The following PTPRM variants were observed in gnomAD, a reference collection of about 807,000 sequenced individuals.
PTPRM encodes protein tyrosine phosphatase receptor type M.
In PTPRM, 47 loss-of-function variants were observed where a neutral mutation model predicts 186.7. The observed-to-expected ratio is 0.25, with a 90% CI of 0.20 to 0.32. PTPRM has a LOEUF of 0.32. Among genes scored for constraint, PTPRM ranks in the 10% least tolerant of loss-of-function variants. The pLI, the probability that PTPRM is intolerant of heterozygous loss-of-function variation, is 1.00. For synonymous variants in PTPRM, 668 were observed against 674.9 expected, an observed-to-expected ratio of 0.99 and a Z score of 0.16; for missense variants, 1,494 against 1,865.0, an observed-to-expected ratio of 0.80 and a Z score of 3.66.
intron 1 of PTPRM, among the ~76,000 whole-genome samples, chr18:7,750,686 G>T (rs2041172290): frequency 6.6e-6 from 1 of 151,998 alleles, no homozygotes; most frequent in African/African-American, 2.4e-5. Flanking sequence ...CACAAATCTG[G>T]AAAAAATACG....
intron 7 of PTPRM, among the ~76,000 whole-genome samples, chr18:8,014,597 T>C (rs1485380676): frequency 6.6e-6 from 1 of 152,228 alleles, no homozygotes; most frequent in Admixed American, 6.5e-5. Context: ...TAAAAGTATA[T>C]ATTAGACTAA....
intron 13 of PTPRM, among the ~76,000 whole-genome samples, chr18:8,120,387 C>G (rs933113932): frequency 2.6e-5 from 4 of 151,980 alleles, no homozygotes; most frequent in Admixed American, 6.6e-5. Context: ...TTTGTGAATA[C>G]CTGGCTGACT....
intron 2 of PTPRM, among the ~76,000 whole-genome samples, chr18:7,850,888 T>C (rs111698875): frequency 3.9e-5 from 6 of 152,256 alleles, no homozygotes; most frequent in African/African-American, 1.4e-4. Flanking sequence ...ACAAAAAGTA[T>C]ACAAATAGGA....
chr18:8,341,948 G>A lies in PTPRM; in HGVS notation c.2957-1475G>A, dbSNP rs530327074. 2.0e-5 allele frequency among the ~76,000 whole-genome samples: 3 copies of A among 152,332 alleles called. No homozygotes were observed. The East Asian group carries it at 5.8e-4, about 29-fold the overall frequency. On this transcript the variant is annotated intron_variant, in intron 22 of 32. Transcript: ENST00000580170. ...GGACGTGGCCAAAATGGCTGGTGGAGCTTTGTGGGAGGCAGAGTGCATGGT... is the reference window on the plus strand; with the variant it reads ...GGACGTGGCCAAAATGGCTGGTGGAACTTTGTGGGAGGCAGAGTGCATGGT...
chr18:7,636,035 G>A (rs1324256680), intron 1 of PTPRM, among the ~76,000 whole-genome samples: 1 of 152,202 alleles, frequency 6.6e-6, no homozygotes, highest in Non-Finnish European at 1.5e-5. Flanking sequence ...AGACTGCAGG[G>A]CAGACAAACG....
chr18:7,931,265 C>T (rs2051467176), intron 5 of PTPRM, among the ~76,000 whole-genome samples: 1 of 152,040 alleles, frequency 6.6e-6, no homozygotes, highest in Admixed American at 6.6e-5. Context: ...ACTTTCCGAT[C>T]ACTTTTTGAG....
At chr18:7,655,280 C>T (rs564513092) in intron 1 of PTPRM, among the ~76,000 whole-genome samples, 68 of 152,128 alleles carry the variant, frequency 4.5e-4, no homozygotes, top group Non-Finnish European at 8.2e-4. Flanking sequence ...TGGTCTCAAA[C>T]TCCTGGGCTT....
intron 28 of PTPRM, 31 bp from the exon 29 acceptor site, chr18:8,380,265 A>C (rs753433845): frequency 6.2e-7 from 1 of 1,605,718 alleles, no homozygotes; most frequent in Non-Finnish European, 8.5e-7. Context: ...TTTCCTGAGT[A>C]TATTTGGAGC....
chr18:7,858,497 A>G (rs1450114793), intron 2 of PTPRM, among the ~76,000 whole-genome samples: 1 of 152,170 alleles, frequency 6.6e-6, no homozygotes, highest in Non-Finnish European at 1.5e-5. Context: ...AGGAGTTGAC[A>G]TTACAATGAG....
intron 7 of PTPRM, among the ~76,000 whole-genome samples, chr18:8,045,021 C>T (rs1198681041): frequency 1.3e-5 from 2 of 152,040 alleles, no homozygotes; most frequent in Non-Finnish European, 2.9e-5. Flanking sequence ...CAAGAATATA[C>T]CTAGCACATG....
chr18:7,722,472 T>C (rs1013683525), intron 1 of PTPRM, among the ~76,000 whole-genome samples: 1 of 151,700 alleles, frequency 6.6e-6, no homozygotes, highest in South Asian at 2.1e-4. Flanking sequence ...CATCTAATTG[T>C]AGAAAAAAAG....
intron 22 of PTPRM, among the ~76,000 whole-genome samples, chr18:8,326,838 T>A (rs1470992620): frequency 6.6e-6 from 1 of 152,178 alleles, no homozygotes; most frequent in East Asian, 1.9e-4. Context: ...CCTCAAACTA[T>A]AAAAATCCTG....
chr18:8,212,227 A>G (rs2094015709), intron 14 of PTPRM, among the ~76,000 whole-genome samples: 1 of 152,178 alleles, frequency 6.6e-6, no homozygotes, highest in Non-Finnish European at 1.5e-5. Context: ...ATGAACGGAA[A>G]TTTGGACAGA....
chr18:7,731,397 G>A (rs911433998), intron 1 of PTPRM, among the ~76,000 whole-genome samples: 1 of 152,150 alleles, frequency 6.6e-6, no homozygotes, highest in African/African-American at 2.4e-5. Context: ...AATAAGCTTG[G>A]TTGGTATTGC....
intron 1 of PTPRM, among the ~76,000 whole-genome samples, chr18:7,696,352 C>G (rs1048815739): frequency 1.3e-5 from 2 of 152,062 alleles, no homozygotes; most frequent in Non-Finnish European, 2.9e-5. Context: ...TGCATGACAT[C>G]TAAATTTGAA....
chr18:8,197,650 C>G (rs2093798370), intron 14 of PTPRM, among the ~76,000 whole-genome samples: 1 of 152,114 alleles, frequency 6.6e-6, no homozygotes, highest in Admixed American at 6.5e-5. Context: ...TTAATCAGGC[C>G]ACATGCTGTC....
chr18:7,574,963 C>T (rs1382474223), intron 1 of PTPRM, among the ~76,000 whole-genome samples: 2 of 152,226 alleles, frequency 1.3e-5, no homozygotes, highest in Middle Eastern at 3.4e-3. Flanking sequence ...ACCCGGGAGG[C>T]GGAGCTTGCA....
rs563779035 is a variant in PTPRM at position 7,981,612 on chromosome 18, AATATAT to A, written c.1132+26201_1132+26206del. Among the ~76,000 whole-genome samples, 46 of 152,316 alleles carry A rather than the reference AATATAT, an allele frequency of 3.0e-4. 1 individual carries two copies. Among genetic ancestry groups the A allele is most frequent in the Admixed American group, 1.1e-3 (17 of 15,302 alleles). On this transcript the variant is annotated intron_variant, in intron 7 of 32. Coordinates refer to ENST00000580170, the MANE Select transcript of PTPRM (RefSeq NM_001105244.2). ...GTGATGTGACAGGACAAAGTACTGA[AATATAT>A]ATGAGTATGAAGTATATGCAGTCAT...
chr18:8,070,593 A>G (rs1206419485), intron 8 of PTPRM, among the ~76,000 whole-genome samples: 2 of 152,192 alleles, frequency 1.3e-5, no homozygotes, highest in Non-Finnish European at 2.9e-5. Flanking sequence ...TAACGCATCA[A>G]AAAAGCAAAT....
Sources: gnomAD v4.1 joint callset for allele counts (sites outside exome capture counted in the v4.1 genomes callset) on GRCh38, gnomAD v4.1.1 for gene constraint, MANE v1.5 for transcripts, NCBI Gene and HGNC (gene_info 2026-07-23, HGNC 2026-07-21) for gene names.